Variants in CRYM observed in about 807,000 individuals in gnomAD.
The protein encoded by CRYM is ketimine reductase mu-crystallin.
Under a neutral mutation model 32.9 loss-of-function variants are expected in CRYM, and 18 were observed. The ratio of observed to expected loss-of-function variants is 0.55; its 90% CI spans 0.38 to 0.81. The LOEUF is 0.81. Among genes scored for constraint, CRYM ranks in the 30% least tolerant of loss-of-function variants. The probability of loss-of-function intolerance (pLI) is 0.00; values close to 1 mark genes in which losing one functional copy is unlikely to be tolerated. For synonymous variants in CRYM, 153 were observed against 152.4 expected (o/e 1.00, Z -0.03); for missense variants, 337 against 393.5 (o/e 0.86, Z 1.21).
intron 5 of CRYM, among the ~76,000 whole-genome samples, chr16:21,266,736 C>T (rs1239346928): frequency 6.6e-6 from 1 of 152,180 alleles, no homozygotes; most frequent in African/African-American, 2.4e-5. Context: ...CGTAGTGGCT[C>T]ATACTTGTAA....
intron 1 of CRYM, among the ~76,000 whole-genome samples, chr16:21,286,802 A>C (rs2152864399): frequency 6.6e-6 from 1 of 152,234 alleles, no homozygotes; most frequent in Admixed American, 6.5e-5. Context: ...GAAGATACTT[A>C]ATTTTAGGCC....
chr16:21,278,583 A>C, upstream of CRYM: 1 of 420,238 alleles, frequency 2.4e-6, no homozygotes, highest in South Asian at 2.4e-5. Context: ...CTTCCTACAT[A>C]ACCCCTCCCT....
intron 5 of CRYM, among the ~76,000 whole-genome samples, chr16:21,266,734 C>T (rs1370788162): frequency 6.6e-6 from 1 of 152,266 alleles, no homozygotes; most frequent in South Asian, 2.1e-4. Flanking sequence ...GGCGTAGTGG[C>T]TCATACTTGT....
chr16:21,265,843 T>C (rs2093362813), intron 5 of CRYM, among the ~76,000 whole-genome samples: 1 of 152,216 alleles, frequency 6.6e-6, no homozygotes, highest in Non-Finnish European at 1.5e-5. Context: ...CCAGTCTTCC[T>C]GTTGGAAGGC....
chr16:21,299,355 T>C (rs1960853835), intron 1 of CRYM, among the ~76,000 whole-genome samples: 1 of 152,060 alleles, frequency 6.6e-6, no homozygotes, highest in Non-Finnish European at 1.5e-5. Context: ...GTCACCCAGG[T>C]TGGAGTTGAG....
intron 7 of CRYM, among the ~76,000 whole-genome samples, chr16:21,259,956 T>C (rs2152861026): frequency 6.6e-6 from 1 of 152,376 alleles, no homozygotes; most frequent in Non-Finnish European, 1.5e-5. Flanking sequence ...GGCTGACCTC[T>C]GATCTGCCAT....
chr16:21,265,030 AGAT>A (rs1307646268), intron 5 of CRYM, among the ~76,000 whole-genome samples: 1 of 152,140 alleles, frequency 6.6e-6, no homozygotes, highest in East Asian at 1.9e-4. Flanking sequence ...GGGAACTGTG[AGAT>A]GATAATAATG....
At chr16:21,262,480 G>T in intron 5 of CRYM, 1 of 358,842 alleles carries the variant, frequency 2.8e-6, no homozygotes, top group East Asian at 7.2e-5. Context: ...TTATCCAGGC[G>T]TGGTGGCTCA....
At chr16:21,291,133 G>A (rs1271697535) in intron 1 of CRYM, among the ~76,000 whole-genome samples, 1 of 152,128 alleles carries the variant, frequency 6.6e-6, no homozygotes, top group Non-Finnish European at 1.5e-5. Flanking sequence ...TCCTGGGACA[G>A]TTCATTTCAT....
chr16:21,293,220 A>T (rs1038113272), intron 1 of CRYM, among the ~76,000 whole-genome samples: 3 of 152,228 alleles, frequency 2.0e-5, no homozygotes, highest in Non-Finnish European at 4.4e-5. Flanking sequence ...CAAACAGACA[A>T]ATAAAATCCC....
chr16:21,301,477 C>T (rs1045978953), intron 1 of CRYM: 5 of 152,596 alleles, frequency 3.3e-5, no homozygotes, highest in Admixed American at 1.3e-4. Flanking sequence ...GGTGAGGTCT[C>T]CGCCCCCAGA....
At chr16:21,262,232 A>T (rs2093355945) in intron 5 of CRYM, 74 bp from the exon 6 acceptor site, 3 of 1,598,838 alleles carry the variant, frequency 1.9e-6, no homozygotes, top group Admixed American at 1.7e-5. Flanking sequence ...AGCACAGGAG[A>T]GAGGTGAACA....
intron 1 of CRYM, chr16:21,283,803 T>G (rs950274367): frequency 6.6e-6 from 1 of 152,294 alleles, no homozygotes; most frequent in Non-Finnish European, 1.5e-5. Context: ...CGCCCCCGGT[T>G]CCCCACCTCC....
Position 21,290,298 on chromosome 16 carries a change from G to A in CRYM, c.-192-11338C>T, listed in dbSNP as rs754271801. Among the ~76,000 whole-genome samples the A allele has an allele frequency of 1.9e-4, 29 of 152,288 alleles. No homozygotes were observed. In the Middle Eastern group the frequency reaches 0.01, roughly 54 times the overall value. The stretch of plus-strand genomic sequence containing the variant: ...TAGGCTTCATTCCTTAAGTCAGTGA[G>A]ACCACGAACCCACCGGGAGGGACAA... On this transcript the variant is annotated intron_variant, in intron 1 of 9. Coordinates refer to the CRYM transcript ENST00000219599.
At chr16:21,280,875 C>A (rs998746948), upstream of CRYM, among the ~76,000 whole-genome samples, 1 of 152,080 alleles carries the variant, frequency 6.6e-6, no homozygotes, top group Non-Finnish European at 1.5e-5. Context: ...GAGGCCAAGG[C>A]GGGCGGATCA....
At chr16:21,279,970 C>T (rs35287544), upstream of CRYM, among the ~76,000 whole-genome samples, 2,302 of 152,306 alleles carry the variant, frequency 0.015, 38 homozygotes, top group Non-Finnish European at 0.021. Flanking sequence ...TTTGTTTCTT[C>T]GGTTCACCAT....
In CRYM at chr16:21,269,770, A is replaced by AAC; in HGVS notation, c.489+19_489+20insGT. 1 of 421,326 alleles carries AAC rather than the reference A, an allele frequency of 2.4e-6. No individual in the cohort carries two copies. The highest frequency in any genetic ancestry group is 4.4e-6 in the Non-Finnish European group (1 of 228,462). 26.1% of individuals were successfully genotyped at this position (421,326 alleles called of 1,614,324 possible). A position where few individuals can be genotyped will look rare whatever the true frequency, so the allele number is the denominator to read the frequency against. On this transcript the variant is annotated intron_variant, in intron 4 of 7. Coordinates refer to ENST00000572914, the MANE Select transcript of CRYM (RefSeq NM_001376256.1). The stretch of plus-strand genomic sequence containing the variant: ...ACCACCCCCTTCCCTCTTCTCTCCC[A>AAC]CCCCCACCCCTGGACTTACCTCCTT...
At chr16:21,265,058 G>GA (rs985091010) in intron 5 of CRYM, among the ~76,000 whole-genome samples, 9 of 150,896 alleles carry the variant, frequency 6.0e-5, no homozygotes, top group African/African-American at 9.8e-5. Flanking sequence ...GTTTTAAGCT[G>GA]AAAAAAAAAT....
chr16:21,301,600 C>T (rs1960934879), intron 1 of CRYM, among the ~76,000 whole-genome samples: 1 of 152,222 alleles, frequency 6.6e-6, no homozygotes, highest in South Asian at 2.1e-4. Flanking sequence ...CACTCGTGGG[C>T]GCACGTGCGG....
Sources: gnomAD v4.1 joint callset for allele counts (sites outside exome capture counted in the v4.1 genomes callset) on GRCh38, gnomAD v4.1.1 for gene constraint, MANE v1.5 for transcripts, NCBI Gene and HGNC (gene_info 2026-07-23, HGNC 2026-07-21) for gene names.